The following CBLB variants were observed in gnomAD, a reference collection of about 807,000 sequenced individuals.
The protein encoded by CBLB is E3 ubiquitin-protein ligase CBL-B.
In CBLB, 31 loss-of-function variants were observed where a neutral mutation model predicts 104.9. That is an observed-to-expected ratio of 0.30 (90% CI 0.22 to 0.40). The LOEUF (loss-of-function observed/expected upper bound fraction) is 0.40. Ranked by LOEUF, CBLB falls within the 10% of genes least tolerant of loss-of-function variation. The pLI is 1.00. For missense variants in CBLB, 1,062 were observed against 1,214.6 expected (o/e 0.87, Z 1.87); for synonymous variants, 440 against 422.6 (o/e 1.04, Z -0.51).
chr3:105,688,512 T>C, intron 13 of CBLB, among the ~76,000 whole-genome samples: 1 of 152,102 alleles, frequency 6.6e-6, no homozygotes, highest in East Asian at 1.9e-4. Context: ...ATTAGTAAGC[T>C]TGTTTTCTAC....
chr3:105,792,939 T>G (rs893081012), intron 3 of CBLB, among the ~76,000 whole-genome samples: 33 of 152,126 alleles, frequency 2.2e-4, no homozygotes, highest in African/African-American at 8.0e-4. Context: ...AATAAAAAAG[T>G]ATTTTCTCCA....
chr3:105,670,456 A>G, intron 17 of CBLB, 104 bp from the exon 18 acceptor site: 1 of 921,586 alleles, frequency 1.1e-6, no homozygotes, highest in South Asian at 1.5e-5. Flanking sequence ...TTTCAAAAAT[A>G]AATTAGAAAA....
chr3:105,787,181 A>C (rs2081127651), intron 3 of CBLB, among the ~76,000 whole-genome samples: 1 of 152,210 alleles, frequency 6.6e-6, no homozygotes, highest in Non-Finnish European at 1.5e-5. Context: ...AATGACGACT[A>C]AGCATTTTTT....
intron 12 of CBLB, among the ~76,000 whole-genome samples, chr3:105,695,376 C>T (rs2068236834): frequency 6.6e-6 from 1 of 151,710 alleles, no homozygotes; most frequent in African/African-American, 2.4e-5. Flanking sequence ...CAAACATTTA[C>T]TGGTATTGAA....
Position 105,702,297 on chromosome 3 carries a change from G to C in CBLB, c.1756C>G (p.Pro586Ala), listed in dbSNP as rs1434340743. ...HHVESVPSRD[P>A]PMPLEAWCPR... is the part of the protein sequence containing the mutation. ...CACCATGCTTCAAGAGGCATTGGCG[G>C]GTCTCTGGAAGGCACGCTTTCCACA... Residue 586 changes from proline (P) to alanine (A), a missense_variant, in exon 12 of 19, where the codon CCG becomes GCG. By Grantham distance (27) the Pro-to-Ala change is conservative. Around this residue, in one of 2 missense-constraint regions of CBLB, gnomAD observed 605 missense variants for 582.6 expected, o/e 1.04. Coordinates refer to ENST00000394030, the MANE Select transcript of CBLB (RefSeq NM_170662.5). The C allele has an allele frequency of 1.4e-5, 23 of 1,613,726 alleles. No individual in the cohort carries two copies. Among genetic ancestry groups the C allele is most frequent in the Non-Finnish European group, 1.9e-5 (22 of 1,179,952 alleles).
At chr3:105,747,465 A>G (rs1023844881) in intron 5 of CBLB, among the ~76,000 whole-genome samples, 1 of 152,194 alleles carries the variant, frequency 6.6e-6, no homozygotes, top group African/African-American at 2.4e-5. Flanking sequence ...TTTAGTAATA[A>G]TGAAGTTTTT....
At chr3:105,862,670 C>G (rs2092183683) in intron 2 of CBLB, among the ~76,000 whole-genome samples, 1 of 152,084 alleles carries the variant, frequency 6.6e-6, no homozygotes, top group South Asian at 2.1e-4. Flanking sequence ...TGAAGTTTTC[C>G]CTCCCTGATT....
rs2069283154 is a variant in CBLB, at chr3:105,702,387, G to A, written c.1666C>T (p.Pro556Ser). Residue 556 changes from proline to serine, a missense_variant, in exon 12 of 19, where the codon CCA becomes TCA. This residue lies in a region of CBLB where 605 missense variants were observed against 582.6 expected (regional missense o/e 1.04). Coordinates refer to ENST00000394030, the MANE Select transcript of CBLB (RefSeq NM_170662.5). Reference protein sequence around the residue: ...APPPPLRDPPPPPPERPPPIP... With the variant: ...APPPPLRDPPSPPPERPPPIP... ...GGTGGAGGTCTTTCAGGTGGCGGTG[G>A]AGGAGGATCTCTTAAGGGAGGAGGT... 6.2e-7 allele frequency: 1 copy of A among 1,609,738 alleles called. No individual in the cohort carries two copies. The highest frequency in any genetic ancestry group is 8.5e-7 in the Non-Finnish European group (1 of 1,177,672).
In CBLB at chr3:105,659,140, C is replaced by T; in HGVS notation, c.2779G>A (p.Ala927Thr). 1 of 1,614,046 alleles carries T rather than the reference C, an allele frequency of 6.2e-7. No homozygotes were observed. Among genetic ancestry groups the T allele is most frequent in the African/African-American group, 1.3e-5 (1 of 75,044 alleles). Residue 927 changes from alanine to threonine, a missense_variant, in exon 19 of 19, where the codon GCG becomes ACG. By Grantham distance (58) the Ala-to-Thr change is moderately conservative. This residue lies in a region of CBLB where 605 missense variants were observed against 582.6 expected (regional missense o/e 1.04). Transcript: ENST00000394030. ...IHHRKPHGPE[A>T]ALENVDAKIA... ...TTTGCATCGACATTTTCCAATGCCG[C>T]CTCAGGCCCATGGGGTTTTCTGTGG...
At chr3:105,803,599 A>G (rs1165843695) in intron 3 of CBLB, among the ~76,000 whole-genome samples, 3 of 152,216 alleles carry the variant, frequency 2.0e-5, no homozygotes, top group African/African-American at 7.2e-5. Flanking sequence ...CCCACTCTCT[A>G]TCCTCGAAAT....
At chr3:105,719,436 G>A (rs2072432734) in intron 10 of CBLB, among the ~76,000 whole-genome samples, 1 of 152,148 alleles carries the variant, frequency 6.6e-6, no homozygotes, top group Admixed American at 6.6e-5. Flanking sequence ...CCTGCACAAT[G>A]ACATTTCGGT....
intron 3 of CBLB, among the ~76,000 whole-genome samples, chr3:105,841,077 T>A (rs1187188514): frequency 6.6e-6 from 1 of 152,028 alleles, no homozygotes; most frequent in African/African-American, 2.4e-5. Flanking sequence ...GCAGATCACC[T>A]AAGGTCAGGA....
chr3:105,760,936 C>T (rs2077560395), intron 4 of CBLB, among the ~76,000 whole-genome samples: 1 of 152,188 alleles, frequency 6.6e-6, no homozygotes, highest in East Asian at 1.9e-4. Context: ...TAATAACCAA[C>T]ATTTAAAATA....
Position 105,727,245 on chromosome 3 carries a change from C to T in CBLB, c.1203+6764G>A, listed in dbSNP as rs529061900. Among the ~76,000 whole-genome samples, 11 of 152,340 alleles carry T rather than the reference C, an allele frequency of 7.2e-5. No homozygotes were observed. In the South Asian group the frequency reaches 2.3e-3, roughly 32 times the overall value. The stretch of plus-strand genomic sequence containing the variant: ...TCCTGACTTTTCAATGATCGCCATT[C>T]TAACTGGCGTGAGATGGTTATCTCA... On this transcript the variant is annotated intron_variant, in intron 9 of 18. Transcript: ENST00000394030.
intron 4 of CBLB, among the ~76,000 whole-genome samples, chr3:105,760,482 G>A (rs984746281): frequency 2.0e-5 from 3 of 152,090 alleles, no homozygotes; most frequent in Non-Finnish European, 4.4e-5. Context: ...CATGGGTTAT[G>A]CAAGATACCT....
rs533861950 is a variant in CBLB, at chr3:105,755,302, C to T, written c.567-3684G>A. Among the ~76,000 whole-genome samples, 29 of 152,064 alleles carry T rather than the reference C, an allele frequency of 1.9e-4. No individual in the cohort carries two copies. The East Asian group carries it at 5.4e-3, about 28-fold the overall frequency. ...TGGAAAAACAGTATCTTTTCAAAGACAATGGGATTAATCAGATGCAGGGAA... is the reference window on the plus strand; with the variant it reads ...TGGAAAAACAGTATCTTTTCAAAGATAATGGGATTAATCAGATGCAGGGAA... On this transcript the variant is annotated intron_variant, in intron 4 of 18. Coordinates refer to ENST00000394030, the MANE Select transcript of CBLB (RefSeq NM_170662.5).
At position 105,745,104 on chromosome 3, in the gene CBLB, A is replaced by G. The variant is rs566256221; in HGVS notation, c.845+813T>C. Among the ~76,000 whole-genome samples, 12 of 152,318 alleles carry G rather than the reference A, an allele frequency of 7.9e-5. 1 individual carries two copies. The highest frequency in any genetic ancestry group is 3.4e-3 in the Middle Eastern group (1 of 294). On this transcript the variant is annotated intron_variant, in intron 6 of 18. Transcript: ENST00000394030. ...AAATCAGAGCACTAATGAATACCAG[A>G]ATAGCATCTGAAATGTGAGGACTCT... is the stretch of plus-strand genomic sequence containing the variant.
Position 105,747,272 on chromosome 3 carries a change from A to C in CBLB, c.724-1234T>G, listed in dbSNP as rs79597427. Among the ~76,000 whole-genome samples, 921 of 152,294 alleles carry C rather than the reference A, an allele frequency of 6.0e-3. 28 individuals are homozygous for C. Among genetic ancestry groups the C allele is most frequent in the East Asian group, 0.05 (260 of 5,188 alleles). On this transcript the variant is annotated intron_variant, in intron 5 of 18. Transcript: ENST00000394030. ...AATCTTCTACATAAAAGAAAAAAAA[A>C]GTATTTTTACGTTGCCATGTTAAAG...
intron 10 of CBLB, among the ~76,000 whole-genome samples, chr3:105,718,372 T>C (rs576834088): frequency 4.6e-5 from 7 of 152,286 alleles, no homozygotes; most frequent in Admixed American, 1.3e-4. Flanking sequence ...TGTTAACATA[T>C]CTTCCTATGT....
Sources: gnomAD v4.1 joint callset for allele counts (sites outside exome capture counted in the v4.1 genomes callset) on GRCh38, gnomAD v4.1.1 for gene constraint, gnomAD v4.1.1 regional missense constraint, MANE v1.5 for transcripts, NCBI Gene and HGNC (gene_info 2026-07-23, HGNC 2026-07-21) for gene names.